TMEM178B: variants seen among roughly 807,000 people sequenced by gnomAD.
TMEM178B encodes transmembrane protein 178B.
A neutral mutation model predicts 31.0 loss-of-function variants in TMEM178B; 5 were observed. The ratio of observed to expected loss-of-function variants is 0.16; its 90% CI spans 0.08 to 0.34. The LOEUF is 0.34. TMEM178B is among the 10% of genes least tolerant of loss of function. TMEM178B has a pLI of 1.00. For missense variants in TMEM178B, 275 were observed against 400.3 expected (o/e 0.69, Z 2.67); for synonymous variants, 164 against 164.0 (o/e 1.00, Z 0.00).
intron 2 of TMEM178B, among the ~76,000 whole-genome samples, chr7:141,275,905 T>C (rs1192181381): frequency 2.0e-5 from 3 of 152,234 alleles, no homozygotes; most frequent in Non-Finnish European, 4.4e-5. Flanking sequence ...CTCCTCGTGC[T>C]ACAATGGATG....
At chr7:141,244,380 C>G (rs1204589042) in intron 2 of TMEM178B, among the ~76,000 whole-genome samples, 2 of 152,150 alleles carry the variant, frequency 1.3e-5, no homozygotes, top group African/African-American at 4.8e-5. Context: ...AAAATTGAGC[C>G]TTGAAGGTAG....
At chr7:141,462,660 G>C (rs867813682) in intron 3 of TMEM178B, among the ~76,000 whole-genome samples, 3 of 152,156 alleles carry the variant, frequency 2.0e-5, no homozygotes, top group Non-Finnish European at 4.4e-5. Context: ...TTGGCAACCA[G>C]AGAAATATTA....
chr7:141,488,882 G>A, the TMEM178B span, among the ~76,000 whole-genome samples: 13 of 151,304 alleles, frequency 8.6e-5, no homozygotes, highest in Admixed American at 2.6e-4. Flanking sequence ...AAAAACCAAA[G>A]GACTCTTAAA....
intron 1 of TMEM178B, among the ~76,000 whole-genome samples, chr7:141,161,731 T>C (rs1232210106): frequency 6.6e-6 from 1 of 151,764 alleles, no homozygotes; most frequent in Non-Finnish European, 1.5e-5. Flanking sequence ...ACTTGACAAC[T>C]GTGTGTGTGT....
chr7:141,095,784 C>T (rs1413625750), intron 1 of TMEM178B, among the ~76,000 whole-genome samples: 1 of 152,200 alleles, frequency 6.6e-6, no homozygotes, highest in Non-Finnish European at 1.5e-5. Flanking sequence ...CATCTGTTGC[C>T]TGGCTAATAA....
At chr7:141,200,608 G>A (rs562422244) in intron 1 of TMEM178B, among the ~76,000 whole-genome samples, 1 of 152,332 alleles carries the variant, frequency 6.6e-6, no homozygotes, top group South Asian at 2.1e-4. Context: ...TGGTGGGTGA[G>A]CACACAGTGA....
At chr7:141,342,910 A>AT (rs1352194371) in intron 2 of TMEM178B, among the ~76,000 whole-genome samples, 1 of 152,160 alleles carries the variant, frequency 6.6e-6, no homozygotes. Context: ...TCCTGTCATT[A>AT]TTTTGTTTTC....
intron 2 of TMEM178B, among the ~76,000 whole-genome samples, chr7:141,399,575 G>A (rs916149980): frequency 1.5e-4 from 23 of 152,276 alleles, no homozygotes; most frequent in Middle Eastern, 6.8e-3. Flanking sequence ...AAGGAGGGTG[G>A]CTTGTCCTTA....
At chr7:141,113,475 C>T (rs1312091908) in intron 1 of TMEM178B, among the ~76,000 whole-genome samples, 1 of 152,200 alleles carries the variant, frequency 6.6e-6, no homozygotes, top group East Asian at 1.9e-4. Context: ...GATGGGACTA[C>T]TGGGACCCTT....
At chr7:141,430,557 A>G (rs560915830) in intron 2 of TMEM178B, among the ~76,000 whole-genome samples, 2 of 152,328 alleles carry the variant, frequency 1.3e-5, no homozygotes, top group Admixed American at 1.3e-4. Flanking sequence ...TGGCTGCGGA[A>G]GAGCCAGGAT....
At chr7:141,083,623 A>G (rs1340871282) in intron 1 of TMEM178B, among the ~76,000 whole-genome samples, 2 of 152,240 alleles carry the variant, frequency 1.3e-5, no homozygotes, top group Non-Finnish European at 2.9e-5. Flanking sequence ...AACATGTAAT[A>G]AAAACGAACT....
chr7:141,290,409 A>AG (rs1274173160), intron 2 of TMEM178B, among the ~76,000 whole-genome samples: 3 of 152,226 alleles, frequency 2.0e-5, no homozygotes, highest in African/African-American at 7.2e-5. Context: ...CTCATGGCTT[A>AG]GTGTGTCCTT....
At chr7:141,362,122 T>A (rs1191409927) in intron 2 of TMEM178B, among the ~76,000 whole-genome samples, 1 of 152,218 alleles carries the variant, frequency 6.6e-6, no homozygotes, top group Non-Finnish European at 1.5e-5. Context: ...AATTAGCGCA[T>A]CGAGTCATGG....
intron 2 of TMEM178B, among the ~76,000 whole-genome samples, chr7:141,398,176 G>A (rs1425413301): frequency 1.3e-5 from 2 of 152,194 alleles, no homozygotes; most frequent in Non-Finnish European, 2.9e-5. Context: ...GATATCAAAA[G>A]CAAACTTTAG....
At chr7:141,218,543 C>T (rs571524625) in intron 2 of TMEM178B, among the ~76,000 whole-genome samples, 2 of 152,296 alleles carry the variant, frequency 1.3e-5, no homozygotes, top group African/African-American at 2.4e-5. Flanking sequence ...AGGGACCAGT[C>T]CTGACCCCAG....
intron 2 of TMEM178B, among the ~76,000 whole-genome samples, chr7:141,339,160 C>G (rs903103161): frequency 6.6e-6 from 1 of 152,152 alleles, no homozygotes; most frequent in Admixed American, 6.5e-5. Flanking sequence ...GCGAAGTTCC[C>G]TGGGGGCTGC....
intron 2 of TMEM178B, among the ~76,000 whole-genome samples, chr7:141,340,318 GT>G (rs1554477503): frequency 2.0e-5 from 3 of 152,174 alleles, no homozygotes; most frequent in Non-Finnish European, 4.4e-5. Context: ...ATCGGTTTGT[GT>G]TGTAAGCCAC....
intron 2 of TMEM178B, among the ~76,000 whole-genome samples, chr7:141,400,733 T>C (rs1348489233): frequency 1.3e-5 from 2 of 152,206 alleles, no homozygotes; most frequent in Admixed American, 6.5e-5. Flanking sequence ...CAAAGAGGGC[T>C]TCAGGAGAAA....
At chr7:141,182,586 G>C (rs1191218461) in intron 1 of TMEM178B, among the ~76,000 whole-genome samples, 2 of 152,182 alleles carry the variant, frequency 1.3e-5, no homozygotes, top group Non-Finnish European at 2.9e-5. Context: ...ATTAGTAAGG[G>C]AAACAGAAGA....
Sources: gnomAD v4.1 joint callset for allele counts (sites outside exome capture counted in the v4.1 genomes callset) on GRCh38, gnomAD v4.1.1 for gene constraint, MANE v1.5 for transcripts, NCBI Gene and HGNC (gene_info 2026-07-23, HGNC 2026-07-21) for gene names.